The following CEP72 variants were observed in gnomAD, a reference collection of about 807,000 sequenced individuals.
CEP72 encodes centrosomal protein of 72 kDa.
Under a neutral mutation model 65.7 loss-of-function variants are expected in CEP72, and 78 were observed. The observed-to-expected ratio is 1.19, with a 90% confidence interval of 0.99 to 1.43. CEP72 has a LOEUF of 1.43. Among genes scored for constraint, CEP72 ranks in the 40% most tolerant of loss-of-function variants. The pLI is 0.00. For missense variants in CEP72, 914 were observed against 832.9 expected, an observed-to-expected ratio of 1.10 and a Z score of -1.20; for synonymous variants, 358 against 351.7, an observed-to-expected ratio of 1.02 and a Z score of -0.20.
At position 642,610 on chromosome 5, in the gene CEP72, G is replaced by A. The variant is rs574520350; in HGVS notation, c.1540-1689G>A. ...ACATGCAGCTGTGGCTGCCGTGGAC[G>A]CCTGCTTTTTTGCCCTCTGCAGTTT... On this transcript the variant is annotated intron_variant, in intron 9 of 11. Transcript: ENST00000264935. 3.0e-5 allele frequency: 30 copies of A among 985,466 alleles called. No individual in the cohort carries two copies. In the South Asian group the frequency reaches 3.3e-4, roughly 11 times the overall value. 61.0% of individuals were successfully genotyped at this position (985,466 alleles called of 1,614,324 possible). A position where few individuals can be genotyped will look rare whatever the true frequency, so the allele number is the denominator to read the frequency against.
the CEP72 span, among the ~76,000 whole-genome samples, chr5:673,728 G>A: frequency 6.6e-6 from 1 of 152,150 alleles, no homozygotes. Context: ...CTGGGGAGGT[G>A]AATGTGCTGG....
Position 624,546 on chromosome 5 carries a change from A to G in CEP72, c.479A>G (p.Lys160Arg). 1.2e-6 allele frequency: 2 copies of G among 1,613,896 alleles called. No homozygotes were observed. Among genetic ancestry groups the G allele is most frequent in the Non-Finnish European group, 1.7e-6 (2 of 1,179,774 alleles). ...HFASEDSLDS[K>R]ESVPASLKEG... ...GCATCAGAGGACTCACTCGACTCCAAAGAGAGCGTCCCAGCTTCTTTGAAA... is the reference window on the plus strand; with the variant it reads ...GCATCAGAGGACTCACTCGACTCCAGAGAGAGCGTCCCAGCTTCTTTGAAA... The change falls in exon 4 of 12, where the codon AAA becomes AGA. Residue 160 changes from lysine (K) to arginine (R), a missense_variant. Lys to Arg is a conservative substitution (Grantham distance 26). Coordinates refer to ENST00000264935, the MANE Select transcript of CEP72 (RefSeq NM_018140.4). The surrounding 1 kb of genome is among the most constrained non-coding windows in gnomAD (Gnocchi z 4.7).
At chr5:647,170 T>G (rs1738482350) in intron 10 of CEP72, among the ~76,000 whole-genome samples, 2 of 152,194 alleles carry the variant, frequency 1.3e-5, no homozygotes, top group African/African-American at 2.4e-5. Flanking sequence ...CCCACCACCT[T>G]CCCCACCTCT....
intron 11 of CEP72, among the ~76,000 whole-genome samples, chr5:650,752 G>A (rs1738981850): frequency 1.5e-5 from 1 of 68,420 alleles, no homozygotes. Context: ...AGGGGTGACT[G>A]TGAGGCGTGG....
intron 1 of CEP72, chr5:662,460 C>T (rs376273637): frequency 5.9e-5 from 9 of 152,518 alleles, no homozygotes; most frequent in African/African-American, 2.2e-4. Context: ...CGGATCAGGG[C>T]CTGGCGAGCC....
chr5:640,643 T>G (rs1737952016), intron 9 of CEP72, 39 bp downstream of exon 9: 1 of 1,570,274 alleles, frequency 6.4e-7, no homozygotes, highest in Non-Finnish European at 8.6e-7. Context: ...TCCATGTGAC[T>G]GGGGGAAACA....
In CEP72 at chr5:624,242, G is replaced by C. The variant is rs577988528; in HGVS notation, c.404-229G>C. 1.3e-5 allele frequency among the ~76,000 whole-genome samples: 2 copies of C among 152,292 alleles called. No homozygotes were observed. The highest frequency in any genetic ancestry group is 2.1e-4 in the South Asian group (1 of 4,826). On this transcript the variant is annotated intron_variant, in intron 3 of 11. Transcript: ENST00000264935. This position sits in a 1 kb window ranked among gnomAD's most constrained non-coding sequence, Gnocchi z 4.7. ...TGTGTGTGAGCCTCATCTGTGTGCG[G>C]CTGCTCCCGTGCGCAGCAGTGAGCT... is the stretch of plus-strand genomic sequence containing the variant.
chr5:623,434 G>A lies in CEP72; in HGVS notation c.404-1037G>A, dbSNP rs1736530267. ...AGCAAGGGCCTGCGTGTGGGATGGA[G>A]GCGGCGTCTGGAGAGACCTTGCCAG... On this transcript the variant is annotated intron_variant, in intron 3 of 11. Coordinates refer to ENST00000264935, the MANE Select transcript of CEP72 (RefSeq NM_018140.4). The surrounding 1 kb of genome is among the most constrained non-coding windows in gnomAD (Gnocchi z 5.3). Among the ~76,000 whole-genome samples the A allele has an allele frequency of 6.6e-6, 1 of 152,250 alleles. No homozygotes were observed. Among genetic ancestry groups the A allele is most frequent in the Non-Finnish European group, 1.5e-5 (1 of 68,036 alleles).
In CEP72 at chr5:639,120, G is replaced by A; in HGVS notation, c.1238G>A (p.Gly413Glu). ...CCCGGGTCACACTCGGCTCTACCCG[G>A]GAAGAAGACGGCCCTGCAGGCGGCG... ...PSPGSHSALP[G>E]KKTALQAALL... Residue 413 changes from glycine to glutamate, a missense_variant, in exon 8 of 12, where the codon GGG becomes GAG. By Grantham distance (98) the Gly-to-Glu change is moderately conservative. Transcript: ENST00000264935. The A allele has an allele frequency of 6.2e-7, 1 of 1,613,314 alleles. No individual in the cohort carries two copies. The highest frequency in any genetic ancestry group is 8.5e-7 in the Non-Finnish European group (1 of 1,179,848).
chr5:647,215 G>A (rs1246284738), intron 10 of CEP72, among the ~76,000 whole-genome samples: 1 of 152,224 alleles, frequency 6.6e-6, no homozygotes, highest in East Asian at 1.9e-4. Flanking sequence ...GTGTGGTTTT[G>A]CAAGAGTGTG....
At chr5:673,769 G>A in the CEP72 span, among the ~76,000 whole-genome samples, 6 of 152,268 alleles carry the variant, frequency 3.9e-5, no homozygotes, top group African/African-American at 7.2e-5. Context: ...CCCCCCAAGC[G>A]CCTGAGCAGC....
At chr5:674,121 G>A in the CEP72 span, among the ~76,000 whole-genome samples, 7 of 152,190 alleles carry the variant, frequency 4.6e-5, no homozygotes, top group African/African-American at 1.4e-4. Context: ...CCTACCTCCC[G>A]CCCAGCCCTT....
rs1739234450 is a variant in CEP72 at position 653,311 on chromosome 5, G to C, written c.*158G>C. 1 of 635,744 alleles carries C rather than the reference G, an allele frequency of 1.6e-6. No homozygotes were observed. Among genetic ancestry groups the C allele is most frequent in the Non-Finnish European group, 2.5e-6 (1 of 402,052 alleles). The allele number at this position is 635,744 out of a possible 1,614,324, so 39.4% of individuals were successfully genotyped here. A position where few individuals can be genotyped will look rare whatever the true frequency, so the allele number is the denominator to read the frequency against. ...GAATGTATTCAGGACCTGTAGCTTG[G>C]TTTTCTAAAGCACCTCGTAAAATGA... On this transcript the variant is annotated 3_prime_UTR_variant, in exon 12 of 12. Coordinates refer to ENST00000264935, the MANE Select transcript of CEP72 (RefSeq NM_018140.4).
Position 633,796 on chromosome 5 carries a change from C to T in CEP72, c.540C>T (p.Thr180=), listed in dbSNP as rs563453111. Reference sequence around the variant, plus strand: ...CACACCACCCCAGAGCCAAGTGCACCGAGGCCTTGGCCAAGCAGAGCCTGG... The same window carrying T: ...CACACCACCCCAGAGCCAAGTGCACTGAGGCCTTGGCCAAGCAGAGCCTGG... ...GRPHHPRAKC[T]EALAKQSLVM... Residue 180 remains threonine (T), a synonymous_variant, in exon 5 of 12, where the codon ACC becomes ACT. Transcript: ENST00000264935. The T allele has an allele frequency of 8.1e-6, 13 of 1,613,948 alleles. No individual in the cohort carries two copies. Among genetic ancestry groups the T allele is most frequent in the Admixed American group, 6.7e-5 (4 of 60,012 alleles).
intron 3 of CEP72, among the ~76,000 whole-genome samples, chr5:665,743 TCCCCAGGCCTCACC>T (rs1441046535): frequency 1.5e-5 from 1 of 67,834 alleles, no homozygotes; most frequent in Non-Finnish European, 2.7e-5. Flanking sequence ...TGACCACGCC[TCCCCAGGCCTCACC>T]CTCCAGGCTA....
intron 11 of CEP72, among the ~76,000 whole-genome samples, chr5:650,150 C>T (rs1469884793): frequency 1.6e-5 from 1 of 62,248 alleles, no homozygotes; most frequent in Non-Finnish European, 3.0e-5. Context: ...GACTGTGAGG[C>T]GTGGACTGTG....
downstream of CEP72, among the ~76,000 whole-genome samples, chr5:658,743 A>C (rs1438287049): frequency 1.6e-5 from 2 of 128,126 alleles, no homozygotes; most frequent in Non-Finnish European, 3.1e-5. Flanking sequence ...ATCTCGGCTC[A>C]CTGCAAGCTC....
At position 616,728 on chromosome 5, in the gene CEP72, G is replaced by A. The variant is rs540743659; in HGVS notation, c.83-2262G>A. ...GGCACCACCTCGTTCTAGCCAGGCC[G>A]GGACAGCAGTCAGGATCCATTCTCA... is the stretch of plus-strand genomic sequence containing the variant. On this transcript the variant is annotated intron_variant, in intron 1 of 11. Transcript: ENST00000264935. Among the ~76,000 whole-genome samples the A allele has an allele frequency of 2.8e-4, 43 of 152,246 alleles. 1 individual carries two copies. The highest frequency in any genetic ancestry group is 9.8e-4 in the Admixed American group (15 of 15,290).
intron 11 of CEP72, among the ~76,000 whole-genome samples, chr5:648,876 G>T (rs1251480851): frequency 1.9e-5 from 2 of 106,954 alleles, no homozygotes; most frequent in Non-Finnish European, 3.9e-5. Flanking sequence ...AGGTGTGACT[G>T]TGAGGTGTGA....
Sources: allele counts gnomAD v4.1 joint callset (sites outside exome capture counted in the v4.1 genomes callset), GRCh38; gene constraint gnomAD v4.1.1; non-coding constraint Gnocchi (gnomAD v3.1); transcripts MANE v1.5; gene names NCBI Gene and HGNC (gene_info 2026-07-23, HGNC 2026-07-21).